The following EBF1 variants were observed in gnomAD, a reference collection of about 807,000 sequenced individuals.
EBF1 encodes transcription factor COE1.
In EBF1, 10 loss-of-function variants were observed where a neutral mutation model predicts 68.4. The ratio of observed to expected loss-of-function variants is 0.15; its 90% CI spans 0.09 to 0.25. EBF1 has a LOEUF of 0.25. EBF1 is among the 10% of genes least tolerant of loss of function. The pLI is 1.00. For synonymous variants in EBF1, 298 were observed against 299.8 expected, an observed-to-expected ratio of 0.99 and a Z score of 0.06; for missense variants, 509 against 794.4, an observed-to-expected ratio of 0.64 and a Z score of 4.32.
intron 9 of EBF1, among the ~76,000 whole-genome samples, chr5:158,784,201 C>T (rs924228010): frequency 6.6e-6 from 1 of 152,116 alleles, no homozygotes; most frequent in Non-Finnish European, 1.5e-5. Context: ...TTAGCTGGTT[C>T]ATAGATGAGA....
chr5:158,958,644 C>T (rs189585312), intron 6 of EBF1, among the ~76,000 whole-genome samples: 1 of 152,190 alleles, frequency 6.6e-6, no homozygotes, highest in East Asian at 1.9e-4. Flanking sequence ...CCCCCACAGA[C>T]AGGTTAATAT....
chr5:158,811,482 CTT>C (rs1782654938), intron 8 of EBF1, among the ~76,000 whole-genome samples: 1 of 152,210 alleles, frequency 6.6e-6, no homozygotes, highest in Non-Finnish European at 1.5e-5. Flanking sequence ...AAAAACCTAA[CTT>C]TGGCCACGAC....
intron 6 of EBF1, among the ~76,000 whole-genome samples, chr5:159,003,681 A>G (rs566922132): frequency 2.6e-5 from 4 of 152,236 alleles, no homozygotes; most frequent in Non-Finnish European, 5.9e-5. Context: ...GCGTGACAAC[A>G]GCTTACATTC....
Position 158,764,851 on chromosome 5 carries a change from G to A in EBF1, c.1036+12562C>T, listed in dbSNP as rs73297905. Among the ~76,000 whole-genome samples the A allele has an allele frequency of 8.8e-3, 1,342 of 152,232 alleles. 18 individuals carry two copies. The highest frequency in any genetic ancestry group is 0.031 in the African/African-American group (1,275 of 41,544). On this transcript the variant is annotated intron_variant, in intron 10 of 15. Coordinates refer to ENST00000313708, the MANE Select transcript of EBF1 (RefSeq NM_024007.5). ...GTTGGAGGATACAGATCTGATATCA[G>A]ACCCATCACTAGATGGCTTAAATGA...
chr5:159,085,968 C>T (rs988599140), intron 4 of EBF1, among the ~76,000 whole-genome samples: 5 of 151,930 alleles, frequency 3.3e-5, no homozygotes. Context: ...ATGAACATTG[C>T]AGTAAAATAA....
At chr5:158,865,301 C>T (rs1310368417) in intron 6 of EBF1, among the ~76,000 whole-genome samples, 1 of 152,188 alleles carries the variant, frequency 6.6e-6, no homozygotes, top group African/African-American at 2.4e-5. Context: ...TTGGTTATGA[C>T]ATGAACTTGG....
chr5:158,834,109 C>G (rs1054704893), intron 7 of EBF1, among the ~76,000 whole-genome samples: 1 of 152,130 alleles, frequency 6.6e-6, no homozygotes, highest in African/African-American at 2.4e-5. Flanking sequence ...ATTATGGTAT[C>G]TATTGCAATG....
intron 5 of EBF1, among the ~76,000 whole-genome samples, chr5:159,079,245 A>ACTC (rs1476997845): frequency 6.6e-6 from 1 of 152,182 alleles, no homozygotes; most frequent in Non-Finnish European, 1.5e-5. Flanking sequence ...CTTACCTGGG[A>ACTC]CCAGCCCCAC....
At chr5:158,982,779 GAT>G (rs147552835) in intron 6 of EBF1, among the ~76,000 whole-genome samples, 6 of 132,424 alleles carry the variant, frequency 4.5e-5, no homozygotes, top group African/African-American at 1.4e-4. Context: ...TAAAGCAAAA[GAT>G]ATATATATAT....
intron 6 of EBF1, among the ~76,000 whole-genome samples, chr5:158,947,967 C>A (rs1815151136): frequency 6.6e-6 from 1 of 152,148 alleles, no homozygotes; most frequent in Non-Finnish European, 1.5e-5. Flanking sequence ...ACCTCCAGCA[C>A]TGCAACAGAA....
chr5:159,021,794 C>A (rs1180697327), intron 6 of EBF1, among the ~76,000 whole-genome samples: 1 of 152,144 alleles, frequency 6.6e-6, no homozygotes, highest in Non-Finnish European at 1.5e-5. Flanking sequence ...ACCAACCCAG[C>A]TGGAAGGGAT....
At chr5:159,060,076 T>C (rs1462687524) in intron 6 of EBF1, among the ~76,000 whole-genome samples, 1 of 152,110 alleles carries the variant, frequency 6.6e-6, no homozygotes, top group Non-Finnish European at 1.5e-5. Flanking sequence ...ATACAGAAAA[T>C]ATAAAATAGA....
intron 8 of EBF1, among the ~76,000 whole-genome samples, chr5:158,820,730 C>T (rs974814922): frequency 1.4e-4 from 21 of 152,222 alleles, no homozygotes; most frequent in Admixed American, 4.6e-4. Flanking sequence ...GTAATATGGC[C>T]ATCTGTGGAC....
chr5:158,875,628 C>G (rs1162833673), intron 6 of EBF1, among the ~76,000 whole-genome samples: 1 of 152,156 alleles, frequency 6.6e-6, no homozygotes, highest in Non-Finnish European at 1.5e-5. Flanking sequence ...TGCCTAAGTT[C>G]TGAGCTGTTT....
At chr5:158,930,464 G>T (rs1041669254) in intron 6 of EBF1, among the ~76,000 whole-genome samples, 3 of 152,132 alleles carry the variant, frequency 2.0e-5, no homozygotes, top group African/African-American at 7.2e-5. Flanking sequence ...ACACTGAGCT[G>T]CCCACCTTCC....
intron 11 of EBF1, among the ~76,000 whole-genome samples, chr5:158,720,811 T>C (rs887654509): frequency 4.6e-5 from 7 of 152,196 alleles, no homozygotes; most frequent in Non-Finnish European, 1.0e-4. Context: ...ATAAATGAGG[T>C]ATAGGTAGCA....
At chr5:158,729,992 C>T (rs1027738343) in intron 11 of EBF1, among the ~76,000 whole-genome samples, 163 of 152,280 alleles carry the variant, frequency 1.1e-3, no homozygotes, top group East Asian at 9.6e-4. Flanking sequence ...GATTTGATGA[C>T]GAACTGATAC....
intron 11 of EBF1, among the ~76,000 whole-genome samples, chr5:158,716,478 G>A (rs1490752497): frequency 6.6e-6 from 1 of 152,176 alleles, no homozygotes; most frequent in Admixed American, 6.5e-5. Context: ...GATTTGAGGA[G>A]TGTGAACCTG....
chr5:158,974,960 G>A (rs1001479073), intron 6 of EBF1, among the ~76,000 whole-genome samples: 2 of 152,140 alleles, frequency 1.3e-5, no homozygotes, highest in Non-Finnish European at 2.9e-5. Context: ...ACTAACTAAT[G>A]GCACACTTAG....
Sources: allele counts gnomAD v4.1 joint callset (sites outside exome capture counted in the v4.1 genomes callset), GRCh38; gene constraint gnomAD v4.1.1; transcripts MANE v1.5; gene names NCBI Gene and HGNC (gene_info 2026-07-23, HGNC 2026-07-21).